The following KIRREL3 variants were observed in gnomAD, a reference collection of about 807,000 sequenced individuals.
The protein encoded by KIRREL3 is kin of IRRE-like protein 3.
A neutral mutation model predicts 89.7 loss-of-function variants in KIRREL3; 36 were observed. The observed-to-expected ratio is 0.40, with a 90% confidence interval of 0.31 to 0.53. The LOEUF (loss-of-function observed/expected upper bound fraction) is 0.53. Ranked by LOEUF, KIRREL3 falls within the 20% of genes least tolerant of loss-of-function variation. The probability of loss-of-function intolerance (pLI) is 0.49; values close to 1 mark genes in which losing one functional copy is unlikely to be tolerated. For synonymous variants in KIRREL3, 445 were observed against 441.4 expected, an observed-to-expected ratio of 1.01 and a Z score of -0.10; for missense variants, 864 against 1,056.6, an observed-to-expected ratio of 0.82 and a Z score of 2.53.
At chr11:126,452,252 T>C (rs116481674) in intron 7 of KIRREL3, among the ~76,000 whole-genome samples, 1,712 of 152,338 alleles carry the variant, frequency 0.011, 32 homozygotes, top group African/African-American at 0.039. Context: ...AACAAACCAT[T>C]ATGAGTTATT....
chr11:126,509,559 A>C (rs1200820330), intron 4 of KIRREL3, among the ~76,000 whole-genome samples: 2 of 152,210 alleles, frequency 1.3e-5, no homozygotes, highest in East Asian at 3.8e-4. Flanking sequence ...GTGTTCATAA[A>C]TGTGACATTC....
intron 1 of KIRREL3, among the ~76,000 whole-genome samples, chr11:126,887,598 C>G (rs1285550272): frequency 6.6e-6 from 1 of 152,108 alleles, no homozygotes; most frequent in Non-Finnish European, 1.5e-5. Flanking sequence ...CCCAGCCTCT[C>G]CTCTCTCCCA....
Position 126,491,610 on chromosome 11 carries a change from C to T in KIRREL3, c.434-18144G>A, listed in dbSNP as rs955217368. Reference sequence around the variant, plus strand: ...AAGACCCAGGAGTTCAAGCATGGTGCAGAGAAGTTGAGCAACATGCCCAAA... The same window carrying T: ...AAGACCCAGGAGTTCAAGCATGGTGTAGAGAAGTTGAGCAACATGCCCAAA... On this transcript the variant is annotated intron_variant, in intron 4 of 16. Coordinates refer to ENST00000525144, the MANE Select transcript of KIRREL3 (RefSeq NM_032531.4). This position sits in a 1 kb window ranked among gnomAD's most constrained non-coding sequence, Gnocchi z 5.5. Among the ~76,000 whole-genome samples, 2 of 152,200 alleles carry T rather than the reference C, an allele frequency of 1.3e-5. No homozygotes were observed. The highest frequency in any genetic ancestry group is 4.8e-5 in the African/African-American group (2 of 41,450).
chr11:126,432,986 C>A lies in KIRREL3; in HGVS notation c.1589-1460G>T, dbSNP rs772123987. Among the ~76,000 whole-genome samples, 3 of 152,246 alleles carry A rather than the reference C, an allele frequency of 2.0e-5. No individual in the cohort carries two copies. Among genetic ancestry groups the A allele is most frequent in the Non-Finnish European group, 4.4e-5 (3 of 68,044 alleles). On this transcript the variant is annotated intron_variant, in intron 13 of 16. Transcript: ENST00000525144. This position sits in a 1 kb window ranked among gnomAD's most constrained non-coding sequence, Gnocchi z 6.2. ...CTCCGCCTCCTGGGTTCAAGCGATTCTCCTGCCTCAGTCTCCCGAATAGCT... is the reference window on the plus strand; with the variant it reads ...CTCCGCCTCCTGGGTTCAAGCGATTATCCTGCCTCAGTCTCCCGAATAGCT...
intron 1 of KIRREL3, among the ~76,000 whole-genome samples, chr11:126,980,542 A>T (rs901865282): frequency 6.6e-6 from 1 of 152,318 alleles, no homozygotes; most frequent in East Asian, 1.9e-4. Flanking sequence ...GAGAAAAAAA[A>T]TCGAGGAACT....
Position 126,673,815 on chromosome 11 carries a change from A to G in KIRREL3, c.56-110903T>C, listed in dbSNP as rs1946065935. Among the ~76,000 whole-genome samples, 2 of 152,252 alleles carry G rather than the reference A, an allele frequency of 1.3e-5. 1 individual carries two copies. The highest frequency in any genetic ancestry group is 4.1e-4 in the South Asian group (2 of 4,834). On this transcript the variant is annotated intron_variant, in intron 1 of 16. Transcript: ENST00000525144. Reference sequence around the variant, plus strand: ...TCATAGAAGCAATGAAAGAAGCTCTAAACACCGGGATGGATGTTCCTCCCT... The same window carrying G: ...TCATAGAAGCAATGAAAGAAGCTCTGAACACCGGGATGGATGTTCCTCCCT...
At chr11:126,984,594 T>G (rs1436243462) in intron 1 of KIRREL3, among the ~76,000 whole-genome samples, 1 of 152,190 alleles carries the variant, frequency 6.6e-6, no homozygotes, top group African/African-American at 2.4e-5. Flanking sequence ...CTCTTTGTTA[T>G]GCCTCATTTA....
intron 1 of KIRREL3, among the ~76,000 whole-genome samples, chr11:126,722,583 GC>G (rs1948218034): frequency 6.6e-6 from 1 of 152,222 alleles, no homozygotes. Flanking sequence ...CTACTTTCAT[GC>G]CACAATGGCA....
chr11:126,517,487 A>G (rs1337103098), intron 4 of KIRREL3, among the ~76,000 whole-genome samples: 2 of 152,252 alleles, frequency 1.3e-5, no homozygotes, highest in East Asian at 3.9e-4. Flanking sequence ...GAAGCTGGCT[A>G]CAGAGGGGTG....
chr11:126,589,480 A>G (rs1013513094), intron 1 of KIRREL3, among the ~76,000 whole-genome samples: 2 of 152,186 alleles, frequency 1.3e-5, no homozygotes, highest in Admixed American at 1.3e-4. Flanking sequence ...GGAAACTGAG[A>G]GAGAGCTATG....
rs1462193644 is a variant in KIRREL3, at chr11:126,837,475, C to T, written c.55+162980G>A. On this transcript the variant is annotated intron_variant, in intron 1 of 16. Transcript: ENST00000525144. This position sits in a 1 kb window ranked among gnomAD's most constrained non-coding sequence, Gnocchi z 4.7. ...CTGGTGAATTGGTGGGTAGGAGTCT[C>T]TATCATGGAATTACTTCCACAATAA... Among the ~76,000 whole-genome samples, 1 of 152,164 alleles carries T rather than the reference C, an allele frequency of 6.6e-6. No individual in the cohort carries two copies. The highest frequency in any genetic ancestry group is 1.5e-5 in the Non-Finnish European group (1 of 68,030).
At chr11:126,910,038 C>A (rs559448367) in intron 1 of KIRREL3, among the ~76,000 whole-genome samples, 2 of 152,126 alleles carry the variant, frequency 1.3e-5, no homozygotes, top group Non-Finnish European at 1.5e-5. Context: ...TTAAAATCAG[C>A]CTAAATTGTC....
At chr11:126,547,477 T>C (rs1305491790) in intron 2 of KIRREL3, among the ~76,000 whole-genome samples, 5 of 152,108 alleles carry the variant, frequency 3.3e-5, no homozygotes, top group Admixed American at 3.3e-4. Context: ...CTCCCCCGTG[T>C]GTTTGGAGGC....
At chr11:126,591,991 A>C (rs1474297339) in intron 1 of KIRREL3, among the ~76,000 whole-genome samples, 1 of 152,106 alleles carries the variant, frequency 6.6e-6, no homozygotes, top group Non-Finnish European at 1.5e-5. Flanking sequence ...CACATCCTTC[A>C]GGGTGCAGTG....
chr11:126,553,198 AC>A lies in KIRREL3; in HGVS notation c.133+9636del, dbSNP rs1939424152. On this transcript the variant is annotated intron_variant, in intron 2 of 16. Transcript: ENST00000525144. The surrounding 1 kb of genome is among the most constrained non-coding windows in gnomAD (Gnocchi z 4.7). ...GACCATTGCTGGACATTATGGGCTT[AC>A]AGTGTGTCCCTTGGTCTGAAGAAAT... Among the ~76,000 whole-genome samples the A allele has an allele frequency of 6.6e-6, 1 of 152,230 alleles. No homozygotes were observed. The highest frequency in any genetic ancestry group is 6.5e-5 in the Admixed American group (1 of 15,288).
chr11:126,848,328 C>T (rs1410039426), intron 1 of KIRREL3, among the ~76,000 whole-genome samples: 3 of 152,136 alleles, frequency 2.0e-5, no homozygotes, highest in African/African-American at 7.2e-5. Flanking sequence ...ATCAGTCTCA[C>T]CATGATTTGT....
At chr11:126,964,737 GA>G in intron 1 of KIRREL3, among the ~76,000 whole-genome samples, 1 of 152,138 alleles carries the variant, frequency 6.6e-6, no homozygotes, top group East Asian at 1.9e-4. Flanking sequence ...TGCAGATGTT[GA>G]CTTTTATCAA....
intron 4 of KIRREL3, among the ~76,000 whole-genome samples, chr11:126,493,670 A>AAG (rs1957586062): frequency 6.6e-6 from 1 of 150,664 alleles, no homozygotes; most frequent in Admixed American, 6.6e-5. Flanking sequence ...AAAAAAAAAA[A>AAG]AAAAAGAGAG....
chr11:126,539,021 T>C (rs934171650), intron 2 of KIRREL3, among the ~76,000 whole-genome samples: 3 of 152,114 alleles, frequency 2.0e-5, no homozygotes, highest in Non-Finnish European at 4.4e-5. Context: ...GGAGAACAGA[T>C]GTGTTCATGG....
Sources: allele counts gnomAD v4.1 joint callset (sites outside exome capture counted in the v4.1 genomes callset), GRCh38; gene constraint gnomAD v4.1.1; non-coding constraint Gnocchi (gnomAD v3.1); transcripts MANE v1.5; gene names NCBI Gene and HGNC (gene_info 2026-07-23, HGNC 2026-07-21).